FTCDNL1: variants seen among roughly 807,000 people sequenced by gnomAD.
FTCDNL1 encodes the protein formiminotransferase cyclodeaminase N-terminal like.
In FTCDNL1, 11 loss-of-function variants were observed where a neutral mutation model predicts 5.9. The observed-to-expected ratio is 1.87, with a 90% CI of 1.18 to 3.10. FTCDNL1 has a LOEUF of 3.10. FTCDNL1 is among the 30% of genes most tolerant of loss of function. The pLI is 0.00. For synonymous variants in FTCDNL1, 58 were observed against 24.8 expected, an observed-to-expected ratio of 2.34 and a Z score of -3.99; for missense variants, 115 against 65.5, an observed-to-expected ratio of 1.76 and a Z score of -2.61.
the FTCDNL1 span, among the ~76,000 whole-genome samples, chr2:199,668,994 T>C: frequency 2.0e-5 from 3 of 152,198 alleles, no homozygotes; most frequent in Admixed American, 6.6e-5. Context: ...AGGCTTACAA[T>C]CTATTTTAAA....
intron 4 of FTCDNL1, chr2:199,819,246 A>G (rs1446324248): frequency 9.8e-6 from 3 of 307,690 alleles, no homozygotes; most frequent in Non-Finnish European, 1.9e-5. Context: ...ACCCCACACC[A>G]TTCACAGACA....
At chr2:199,791,570 C>T (rs1350243701) in intron 3 of FTCDNL1, among the ~76,000 whole-genome samples, 1 of 151,950 alleles carries the variant, frequency 6.6e-6, no homozygotes, top group African/African-American at 2.4e-5. Flanking sequence ...CTCACAGCTC[C>T]CACACGTACA....
At chr2:199,791,241 A>T (rs556856920) in intron 3 of FTCDNL1, among the ~76,000 whole-genome samples, 1 of 152,118 alleles carries the variant, frequency 6.6e-6, no homozygotes, top group South Asian at 2.1e-4. Context: ...AATTTAAAAG[A>T]TATCATTTGT....
chr2:199,846,312 G>C, intron 2 of FTCDNL1, 142 bp from the exon 3 acceptor site: 1 of 572,964 alleles, frequency 1.7e-6, no homozygotes, highest in Non-Finnish European at 3.1e-6. Flanking sequence ...GAATAAACAT[G>C]AAATTCATGA....
At chr2:199,845,820 T>C (rs2076717442) in intron 3 of FTCDNL1, among the ~76,000 whole-genome samples, 1 of 149,026 alleles carries the variant, frequency 6.7e-6, no homozygotes, top group Non-Finnish European at 1.5e-5. Context: ...AAAGGATATG[T>C]GATCACCTTC....
the FTCDNL1 span, among the ~76,000 whole-genome samples, chr2:199,666,389 T>G: frequency 6.6e-6 from 1 of 152,152 alleles, no homozygotes; most frequent in East Asian, 1.9e-4. Context: ...AACTGTATAC[T>G]CTAAACAAAA....
intron 3 of FTCDNL1, among the ~76,000 whole-genome samples, chr2:199,781,637 A>T (rs1440304576): frequency 6.6e-6 from 1 of 152,128 alleles, no homozygotes; most frequent in Non-Finnish European, 1.5e-5. Flanking sequence ...GAAAAACCAT[A>T]CATTCTCTTG....
chr2:199,799,947 CAG>C lies in FTCDNL1; in HGVS notation c.212-39114_212-39113del, dbSNP rs141174758. Among the ~76,000 whole-genome samples the C allele has an allele frequency of 0.011, 1,733 of 152,244 alleles. 79 individuals carry two copies. The East Asian group carries it at 0.16, about 14-fold the overall frequency. On this transcript the variant is annotated intron_variant, in intron 3 of 3. Coordinates refer to the FTCDNL1 transcript ENST00000416668. ...CTAAATGCATTATTCACTGAATACC[CAG>C]AGTTTCCATGCTGTAGGTAAAACAG...
At chr2:199,730,043 C>T in the FTCDNL1 span, among the ~76,000 whole-genome samples, 38 of 152,142 alleles carry the variant, frequency 2.5e-4, no homozygotes, top group African/African-American at 8.2e-4. Context: ...TCAGAAATAA[C>T]ACCACACATC....
At chr2:199,728,442 G>T in the FTCDNL1 span, among the ~76,000 whole-genome samples, 1 of 151,990 alleles carries the variant, frequency 6.6e-6, no homozygotes, top group African/African-American at 2.4e-5. Context: ...TAGAGACGGG[G>T]TTTCACTGTG....
chr2:199,761,363 A>T (rs1698262379), intron 3 of FTCDNL1, among the ~76,000 whole-genome samples: 1 of 151,918 alleles, frequency 6.6e-6, no homozygotes, highest in Admixed American at 6.6e-5. Flanking sequence ...AAAATGCAAG[A>T]CTCTGGCCAC....
the FTCDNL1 span, among the ~76,000 whole-genome samples, chr2:199,750,524 C>T: frequency 3.8e-4 from 58 of 152,142 alleles, no homozygotes; most frequent in Non-Finnish European, 4.0e-4. Context: ...CCTTCCCACA[C>T]CTAACTGGTT....
chr2:199,742,157 T>C, the FTCDNL1 span, among the ~76,000 whole-genome samples: 2,492 of 152,178 alleles, frequency 0.016, 61 homozygotes, highest in East Asian at 0.16. Context: ...GGGGCTTCTG[T>C]GTTCATCTGA....
intron 3 of FTCDNL1, among the ~76,000 whole-genome samples, chr2:199,801,689 G>A (rs762110705): frequency 9.2e-5 from 14 of 151,658 alleles, no homozygotes; most frequent in Non-Finnish European, 7.4e-5. Context: ...GGTGGCTCAC[G>A]CCTGTAATCC....
At chr2:199,844,007 C>T (rs1365346696) in intron 3 of FTCDNL1, among the ~76,000 whole-genome samples, 1 of 151,930 alleles carries the variant, frequency 6.6e-6, no homozygotes, top group Non-Finnish European at 1.5e-5. Flanking sequence ...AGTGGATTTT[C>T]AACCTCATCA....
At chr2:199,711,076 G>A in the FTCDNL1 span, among the ~76,000 whole-genome samples, 2 of 152,096 alleles carry the variant, frequency 1.3e-5, no homozygotes, top group African/African-American at 2.4e-5. Context: ...TATTAATAAG[G>A]AATTTTACAA....
intron 3 of FTCDNL1, among the ~76,000 whole-genome samples, chr2:199,793,365 GA>G (rs1448592493): frequency 6.6e-6 from 1 of 152,070 alleles, no homozygotes; most frequent in African/African-American, 2.4e-5. Flanking sequence ...ATAGACGGAG[GA>G]GGGGGGGCAT....
chr2:199,841,496 G>C (rs990431098), intron 3 of FTCDNL1, among the ~76,000 whole-genome samples: 1 of 152,082 alleles, frequency 6.6e-6, no homozygotes, highest in African/African-American at 2.4e-5. Flanking sequence ...GCTCTAAACT[G>C]TATAACCAAC....
At chr2:199,828,258 T>C (rs965545923) in intron 3 of FTCDNL1, among the ~76,000 whole-genome samples, 3 of 152,246 alleles carry the variant, frequency 2.0e-5, no homozygotes, top group African/African-American at 7.2e-5. Context: ...TTTGATTTTA[T>C]ATTTTGATTT....
Sources: allele counts gnomAD v4.1 joint callset (sites outside exome capture counted in the v4.1 genomes callset), GRCh38; gene constraint gnomAD v4.1.1; transcripts MANE v1.5; gene names NCBI Gene and HGNC (gene_info 2026-07-23, HGNC 2026-07-21).